LOC400499: variants seen among roughly 807,000 people sequenced by gnomAD.
chr16:11,479,837 C>T, the LOC400499 span, among the ~76,000 whole-genome samples: 1 of 152,046 alleles, frequency 6.6e-6, no homozygotes, highest in Non-Finnish European at 1.5e-5. Flanking sequence ...TCTTTCCGTC[C>T]CGAGATCCAA....
chr16:11,494,640 C>A, the LOC400499 span: 2 of 399,464 alleles, frequency 5.0e-6, no homozygotes, highest in Non-Finnish European at 8.8e-6. Context: ...AGGATCCTCA[C>A]TAGGGAGCCG....
At chr16:11,442,517 C>G in the LOC400499 span, 2 of 152,192 alleles carry the variant, frequency 1.3e-5, no homozygotes, top group African/African-American at 4.8e-5. Context: ...GCCATCTCGC[C>G]CAGCCTAGAC....
At chr16:11,381,939 A>G in the LOC400499 span, among the ~76,000 whole-genome samples, 3 of 139,558 alleles carry the variant, frequency 2.1e-5, no homozygotes, top group Non-Finnish European at 4.7e-5. Context: ...GTCTGTTTTC[A>G]TTCTGGAATT....
the LOC400499 span, chr16:11,372,421 C>G: frequency 6.6e-6 from 1 of 152,244 alleles, no homozygotes; most frequent in African/African-American, 2.4e-5. Context: ...GAACAGGGGC[C>G]AGGTGGAGTT....
the LOC400499 span, among the ~76,000 whole-genome samples, chr16:11,429,766 G>A: frequency 2.6e-5 from 4 of 151,688 alleles, no homozygotes; most frequent in Non-Finnish European, 4.4e-5. Flanking sequence ...GAGCCACCAT[G>A]CCTGGCCTGT....
the LOC400499 span, among the ~76,000 whole-genome samples, chr16:11,453,257 T>C: frequency 6.6e-6 from 1 of 152,202 alleles, no homozygotes; most frequent in South Asian, 2.1e-4. Context: ...TCCCTAACTT[T>C]GCTAAACTGC....
the LOC400499 span, chr16:11,522,212 C>G: frequency 2.5e-6 from 1 of 397,888 alleles, no homozygotes; most frequent in South Asian, 1.4e-4. Flanking sequence ...CTCTCTCTCT[C>G]CATCTGGGCC....
chr16:11,399,625 A>C, the LOC400499 span: 2 of 398,648 alleles, frequency 5.0e-6, no homozygotes, highest in East Asian at 7.1e-5. Flanking sequence ...AATAGGGTAC[A>C]TGACCTGGGG....
chr16:11,438,822 C>T, the LOC400499 span, among the ~76,000 whole-genome samples: 21 of 151,960 alleles, frequency 1.4e-4, no homozygotes, highest in African/African-American at 5.1e-4. Context: ...GGGCTAGGTG[C>T]GGTGGCTCAT....
the LOC400499 span, chr16:11,391,573 G>A: frequency 2.8e-6 from 3 of 1,080,668 alleles, no homozygotes; most frequent in Non-Finnish European, 3.5e-6. Context: ...GATTGAAACA[G>A]TGCCACAGGC....
At chr16:11,387,190 C>T in the LOC400499 span, 73 of 1,232,270 alleles carry the variant, frequency 5.9e-5, no homozygotes, top group Admixed American at 2.1e-4. Context: ...GCTCTCGGAG[C>T]GGCCGCAGCA....
chr16:11,393,360 C>A, the LOC400499 span: 36 of 1,231,708 alleles, frequency 2.9e-5, no homozygotes, highest in Non-Finnish European at 3.6e-5. Flanking sequence ...CGTGGCCCAG[C>A]TAGCTGAGCT....
chr16:11,383,436 C>A, the LOC400499 span, among the ~76,000 whole-genome samples: 3 of 152,296 alleles, frequency 2.0e-5, no homozygotes, highest in East Asian at 5.8e-4. Flanking sequence ...CTTCACCAAA[C>A]GGAGGGCACT....
chr16:11,469,221 C>A, the LOC400499 span: 1 of 399,504 alleles, frequency 2.5e-6, no homozygotes, highest in Middle Eastern at 6.3e-4. Flanking sequence ...CTCCAAGTGA[C>A]CCGTGTGGGC....
At chr16:11,526,616 T>G in the LOC400499 span, among the ~76,000 whole-genome samples, 218 of 152,378 alleles carry the variant, frequency 1.4e-3, 1 homozygote, top group Middle Eastern at 6.8e-3. Context: ...CATTTTCTAA[T>G]TATATATTGG....
chr16:11,392,340 C>A, the LOC400499 span: 1 of 398,932 alleles, frequency 2.5e-6, no homozygotes, highest in Admixed American at 4.4e-5. Flanking sequence ...AGCAGGCCCC[C>A]CTGGCAGCCG....
At chr16:11,429,026 G>T in the LOC400499 span, among the ~76,000 whole-genome samples, 1 of 152,086 alleles carries the variant, frequency 6.6e-6, no homozygotes, top group East Asian at 1.9e-4. Flanking sequence ...ACAGATTACT[G>T]AATAAAATAA....
chr16:11,427,625 T>G, the LOC400499 span, among the ~76,000 whole-genome samples: 1 of 151,926 alleles, frequency 6.6e-6, no homozygotes, highest in Non-Finnish European at 1.5e-5. Flanking sequence ...TTTAAAATTT[T>G]TGTAGCGACA....
At chr16:11,398,858 G>A in the LOC400499 span, among the ~76,000 whole-genome samples, 3 of 151,976 alleles carry the variant, frequency 2.0e-5, no homozygotes, top group South Asian at 6.2e-4. Context: ...ATGGGGTTTC[G>A]CCATGTTGGC....
Sources: gnomAD v4.1 joint callset for allele counts (sites outside exome capture counted in the v4.1 genomes callset) on GRCh38, gnomAD v4.1.1 for gene constraint, MANE v1.5 for transcripts.